Variants in CCDC183 observed in about 807,000 individuals in gnomAD.
CCDC183 encodes coiled-coil domain containing 183, also known as coiled-coil domain-containing protein 183.
In CCDC183, 63 loss-of-function variants were observed where a neutral mutation model predicts 65.2. The observed-to-expected ratio is 0.97, with a 90% CI of 0.79 to 1.19. CCDC183 has a LOEUF of 1.19. Ranked by LOEUF, CCDC183 falls within the 50% of genes most tolerant of loss-of-function variation. The pLI is 0.00. For synonymous variants in CCDC183, 323 were observed against 276.5 expected (o/e 1.17, Z -1.67); for missense variants, 769 against 689.3 (o/e 1.12, Z -1.30).
rs1588328048 is a variant in CCDC183 at position 136,796,364 on chromosome 9, T to C, written c.-34T>C. 2 of 1,452,244 alleles carry C rather than the reference T, an allele frequency of 1.4e-6. No homozygotes were observed. The highest frequency in any genetic ancestry group is 1.9e-6 in the Non-Finnish European group (2 of 1,050,372). The allele number at this position is 1,452,244 out of a possible 1,614,324, so 90.0% of individuals were successfully genotyped here. ...AGCTGAGCCCAGGGAGGCTTTGAGG[T>C]ACACAGGGTCCCTTGGGGGGCCTGA... On this transcript the variant is annotated 5_prime_UTR_variant, in exon 1 of 14. Transcript: ENST00000338005.
chr9:136,797,685 G>A (rs1384481562), intron 1 of CCDC183, among the ~76,000 whole-genome samples: 4 of 152,196 alleles, frequency 2.6e-5, no homozygotes, highest in African/African-American at 7.2e-5. Context: ...TGATCTGCCC[G>A]CATCAGCCTC....
At chr9:136,797,167 A>G (rs1847660649) in intron 1 of CCDC183, among the ~76,000 whole-genome samples, 3 of 152,200 alleles carry the variant, frequency 2.0e-5, no homozygotes, top group African/African-American at 7.2e-5. Flanking sequence ...CTACACTGAG[A>G]TGTTTGTGTA....
At chr9:136,805,108 G>A (rs1847818754) in intron 8 of CCDC183, 1 of 593,496 alleles carries the variant, frequency 1.7e-6, no homozygotes, top group Admixed American at 3.0e-5. Flanking sequence ...AGCACCACCG[G>A]GCCCACAGTG....
chr9:136,807,501 G>C, intron 13 of CCDC183, 71 bp from the exon 14 acceptor site: 1 of 1,485,688 alleles, frequency 6.7e-7, no homozygotes, highest in South Asian at 1.3e-5. Context: ...GAGGGCGGGG[G>C]CGAGAGGCGG....
Position 136,804,879 on chromosome 9 carries a change from A to C in CCDC183, c.847+63A>C. The C allele has an allele frequency of 7.0e-7, 1 of 1,424,910 alleles. No homozygotes were observed. The highest frequency in any genetic ancestry group is 9.9e-7 in the Non-Finnish European group (1 of 1,012,914). The allele number at this position is 1,424,910 out of a possible 1,614,324, so 88.3% of individuals were successfully genotyped here. On this transcript the variant is annotated intron_variant, in intron 8 of 13. Transcript: ENST00000338005. The surrounding 1 kb of genome is among the most constrained non-coding windows in gnomAD (Gnocchi z 4.1). ...CCCAAGGAGAGGCTGGCACTGATTC[A>C]GGCCAACGGATCAAGTCACCCTGAG...
At chr9:136,803,546 G>C (rs866519429) in intron 6 of CCDC183, among the ~76,000 whole-genome samples, 11 of 152,310 alleles carry the variant, frequency 7.2e-5, no homozygotes, top group African/African-American at 2.6e-4. Flanking sequence ...GATACAGCAG[G>C]GACCGGGACA....
chr9:136,803,827 G>C (rs897044803), intron 6 of CCDC183: 2 of 154,984 alleles, frequency 1.3e-5, no homozygotes, highest in Admixed American at 1.3e-4. Context: ...AGGCTGCAGA[G>C]GCACAGGCCC....
intron 8 of CCDC183, 43 bp from the exon 9 acceptor site, chr9:136,805,314 G>C (rs1847823550): frequency 1.3e-6 from 2 of 1,529,380 alleles, no homozygotes; most frequent in African/African-American, 2.7e-5. Flanking sequence ...GAGCCCCTGA[G>C]CCATCCCTGC....
intron 1 of CCDC183, among the ~76,000 whole-genome samples, chr9:136,798,252 C>T (rs1001723056): frequency 3.3e-5 from 5 of 151,898 alleles, no homozygotes; most frequent in South Asian, 2.1e-4. Context: ...GTGATCCATC[C>T]GCCTCGGCCT....
intron 4 of CCDC183, 95 bp from the exon 5 acceptor site, chr9:136,800,294 A>C: frequency 6.9e-7 from 1 of 1,445,474 alleles, no homozygotes; most frequent in Non-Finnish European, 9.4e-7. Flanking sequence ...GGGCGGGGCT[A>C]AGAGAGCACG....
At chr9:136,802,392 G>T (rs1000980689) in intron 5 of CCDC183, among the ~76,000 whole-genome samples, 1 of 152,180 alleles carries the variant, frequency 6.6e-6, no homozygotes, top group South Asian at 2.1e-4. Flanking sequence ...CCGGGTTTCA[G>T]TCAGCCTTTT....
At position 136,806,241 on chromosome 9, in the gene CCDC183, G is replaced by A. The variant is rs1847845941; in HGVS notation, c.1109+3G>A. On this transcript the variant is annotated splice_donor_region_variant and intron_variant, in intron 10 of 13. Transcript: ENST00000338005. ...CGCCAGAAGCCTAGCTCCATCAGGTGCCCCGGGCTTCCGGGGCTGCGGGCC... is the reference window on the plus strand; with the variant it reads ...CGCCAGAAGCCTAGCTCCATCAGGTACCCCGGGCTTCCGGGGCTGCGGGCC... The A allele has an allele frequency of 1.3e-6, 2 of 1,588,820 alleles. No homozygotes were observed. The highest frequency in any genetic ancestry group is 8.6e-7 in the Non-Finnish European group (1 of 1,167,628).
In CCDC183 at chr9:136,796,485, T is replaced by C; in HGVS notation, c.70+18T>C. On this transcript the variant is annotated intron_variant, in intron 1 of 13. Coordinates refer to ENST00000338005, the MANE Select transcript of CCDC183 (RefSeq NM_001039374.5). The stretch of plus-strand genomic sequence containing the variant: ...GCTCCAGGGTGAGCCTGCACCGCCG[T>C]GACCAGTCTCCCTTTCCCGTCTGGG... 6.5e-7 allele frequency: 1 copy of C among 1,548,316 alleles called. No individual in the cohort carries two copies. Among genetic ancestry groups the C allele is most frequent in the Non-Finnish European group, 8.8e-7 (1 of 1,141,316 alleles).
chr9:136,806,852 G>A lies in CCDC183; in HGVS notation c.1374G>A (p.Val458=). The A allele has an allele frequency of 1.2e-6, 2 of 1,613,484 alleles. No homozygotes were observed. The highest frequency in any genetic ancestry group is 1.7e-6 in the Non-Finnish European group (2 of 1,180,002). Residue 458 remains valine (V), a synonymous_variant, in exon 12 of 14, where the codon GTG becomes GTA. Transcript: ENST00000338005. ...ACCTGGCTGACAGAGTGCAGATGGT[G>A]TCCAGGACCGAGGAGGTAGCCCCGG... The part of the protein sequence containing the change: ...LTYLADRVQM[V]SRTEEGDTKV...
intron 12 of CCDC183, 48 bp downstream of exon 12, chr9:136,806,915 C>A (rs1356990611): frequency 6.2e-7 from 1 of 1,613,254 alleles, no homozygotes; most frequent in East Asian, 2.2e-5. Context: ...CCCCTCAAAG[C>A]TGACAGGCTC....
intron 5 of CCDC183, among the ~76,000 whole-genome samples, chr9:136,801,446 C>T (rs1381714790): frequency 6.6e-6 from 1 of 152,118 alleles, no homozygotes; most frequent in Non-Finnish European, 1.5e-5. Context: ...TGGCTCATGC[C>T]TGTAATCCCA....
Position 136,802,683 on chromosome 9 carries a change from T to A in CCDC183, c.563T>A (p.Ile188Asn). The A allele has an allele frequency of 5.0e-6, 8 of 1,612,794 alleles. No individual in the cohort carries two copies. Among genetic ancestry groups the A allele is most frequent in the Non-Finnish European group, 6.8e-6 (8 of 1,179,534 alleles). Residue 188 changes from isoleucine (I) to asparagine (N), a missense_variant, in exon 6 of 14, where the codon ATT becomes AAT. Transcript: ENST00000338005. Reference sequence around the variant, plus strand: ...ACACAGGTGCTGGCAGGATACCCCATTGAGCTGGACAAGCTGCAGAACCTC... The same window carrying A: ...ACACAGGTGCTGGCAGGATACCCCAATGAGCTGGACAAGCTGCAGAACCTC... Reference protein sequence around the residue: ...YLKTVLAGYPIELDKLQNLVV... With the variant: ...YLKTVLAGYPNELDKLQNLVV...
chr9:136,800,066 A>ACC lies in CCDC183; in HGVS notation c.336_337dup (p.Leu113ProfsTer48), dbSNP rs751020020. On this transcript the variant is annotated frameshift_variant, in exon 4 of 14. Transcript: ENST00000338005. LOFTEE classifies it high-confidence loss of function. ...GTGAACATGCACAACCTACTGATCC[A>ACC]CCTGGTGCGGCGGCGCGGGCAGAAG... is the stretch of plus-strand genomic sequence containing the variant. 6.3e-7 allele frequency: 1 copy of ACC among 1,582,206 alleles called. No individual in the cohort carries two copies. Among genetic ancestry groups the ACC allele is most frequent in the Non-Finnish European group, 8.6e-7 (1 of 1,165,314 alleles).
In CCDC183 at chr9:136,806,385, C is replaced by T. The variant is rs1490643499; in HGVS notation, c.1110-119C>T. 2.1e-5 allele frequency: 30 copies of T among 1,433,162 alleles called. No individual in the cohort carries two copies. In the South Asian group the frequency reaches 3.5e-4, roughly 17 times the overall value. 88.8% of individuals were successfully genotyped at this position (1,433,162 alleles called of 1,614,324 possible). On this transcript the variant is annotated intron_variant, in intron 10 of 13. Transcript: ENST00000338005. Reference sequence around the variant, plus strand: ...GCCAGGGGACTCCACTTGCACACACCTGAGCTTCTGAGTCCCTGATTCTGG... The same window carrying T: ...GCCAGGGGACTCCACTTGCACACACTTGAGCTTCTGAGTCCCTGATTCTGG...
Sources: allele counts gnomAD v4.1 joint callset (sites outside exome capture counted in the v4.1 genomes callset), GRCh38; gene constraint gnomAD v4.1.1; non-coding constraint Gnocchi (gnomAD v3.1); transcripts MANE v1.5; gene names NCBI Gene and HGNC (gene_info 2026-07-23, HGNC 2026-07-21).